TEAD3: variants seen among roughly 807,000 people sequenced by gnomAD.
The protein encoded by TEAD3 is transcriptional enhancer factor TEF-5.
Under a neutral mutation model 55.6 loss-of-function variants are expected in TEAD3, and 15 were observed. That is an observed-to-expected ratio of 0.27 (90% CI 0.18 to 0.42). The LOEUF (loss-of-function observed/expected upper bound fraction) is 0.42. Among genes scored for constraint, TEAD3 ranks in the 10% least tolerant of loss-of-function variants. The pLI is 1.00. For missense variants in TEAD3, 407 were observed against 576.8 expected, an observed-to-expected ratio of 0.71 and a Z score of 3.01; for synonymous variants, 210 against 232.2, an observed-to-expected ratio of 0.90 and a Z score of 0.87.
chr6:35,479,396 C>T, intron 4 of TEAD3, 80 bp from the exon 5 acceptor site: 1 of 1,564,508 alleles, frequency 6.4e-7, no homozygotes, highest in Admixed American at 1.7e-5. Context: ...TTTGCGCCTA[C>T]CTCCACCCAG....
At chr6:35,474,844 TCTC>T (rs375669800), downstream of TEAD3, 55 of 563,764 alleles carry the variant, frequency 9.8e-5, no homozygotes, top group African/African-American at 9.5e-4. Context: ...TGAGCCCTCC[TCTC>T]CTCTCTTCTC....
chr6:35,480,481 G>T (rs1768245649), intron 3 of TEAD3, 107 bp from the exon 4 acceptor site: 4 of 1,152,086 alleles, frequency 3.5e-6, no homozygotes, highest in Non-Finnish European at 5.1e-6. Flanking sequence ...CATCTCTAGG[G>T]AACTACATGT....
chr6:35,474,018 G>A (rs149190575), downstream of TEAD3: 291 of 152,118 alleles, frequency 1.9e-3, 4 homozygotes, highest in East Asian at 1.6e-3. Flanking sequence ...CAGGTAGATT[G>A]AGGTGGGGAA....
intron 1 of TEAD3, among the ~76,000 whole-genome samples, chr6:35,493,050 T>C (rs1458195951): frequency 2.0e-5 from 3 of 152,152 alleles, no homozygotes; most frequent in African/African-American, 7.2e-5. Flanking sequence ...AGTGCCCTCA[T>C]GAGAGTCACG....
rs761527781 is a variant in TEAD3 at position 35,486,457 on chromosome 6, G to T, written c.202+4C>A. The T allele has an allele frequency of 6.2e-7, 1 of 1,611,056 alleles. No homozygotes were observed. The highest frequency in any genetic ancestry group is 1.1e-5 in the South Asian group (1 of 90,928). Reference sequence around the variant, plus strand: ...CAGTCCCGCCCGCGCCCCCCGGCACGCACCGTACATCTTGCCCTCGTCTGA... The same window carrying T: ...CAGTCCCGCCCGCGCCCCCCGGCACTCACCGTACATCTTGCCCTCGTCTGA... On this transcript the variant is annotated splice_donor_region_variant and intron_variant, in intron 2 of 12. Coordinates refer to ENST00000639578, the Ensembl canonical transcript of TEAD3. This position sits in a 1 kb window ranked among gnomAD's most constrained non-coding sequence, Gnocchi z 7.3.
chr6:35,481,166 T>C (rs753027558), intron 3 of TEAD3, among the ~76,000 whole-genome samples: 8 of 151,922 alleles, frequency 5.3e-5, no homozygotes, highest in Non-Finnish European at 8.8e-5. Context: ...TCTCTAGCCA[T>C]CTCCTCCTCG....
At position 35,496,806 on chromosome 6, in the gene TEAD3, C is replaced by T. The variant is rs1168429127; in HGVS notation, c.-50+92G>A. ...CTGGACAATAGCTCGGGGACCCAGT[C>T]CCCCTCGAGTGTCGCCCCCCCAGCC... On this transcript the variant is annotated intron_variant, in intron 1 of 12. Coordinates refer to ENST00000639578, the Ensembl canonical transcript of TEAD3. This position sits in a 1 kb window ranked among gnomAD's most constrained non-coding sequence, Gnocchi z 4.8. 7.0e-6 allele frequency: 1 copy of T among 142,532 alleles called. No individual in the cohort carries two copies. The highest frequency in any genetic ancestry group is 2.4e-5 in the African/African-American group (1 of 41,012). The allele number at this position is 142,532 out of a possible 1,614,324, so 8.8% of individuals were successfully genotyped here. A position where few individuals can be genotyped will look rare whatever the true frequency, so the allele number is the denominator to read the frequency against.
intron 9 of TEAD3, 63 bp from the exon 10 acceptor site, chr6:35,476,155 A>G: frequency 6.5e-7 from 1 of 1,529,330 alleles, no homozygotes; most frequent in Non-Finnish European, 8.8e-7. Flanking sequence ...GGGGCGGGGA[A>G]GGGAGCACTG....
At position 35,488,924 on chromosome 6, in the gene TEAD3, A is replaced by AT. The variant is rs1309640122; in HGVS notation, c.-49-2214dup. 2.6e-5 allele frequency among the ~76,000 whole-genome samples: 4 copies of AT among 151,742 alleles called. No individual in the cohort carries two copies. The highest frequency in any genetic ancestry group is 5.9e-5 in the Non-Finnish European group (4 of 67,960). On this transcript the variant is annotated intron_variant, in intron 1 of 12. Transcript: ENST00000639578. The surrounding 1 kb of genome is among the most constrained non-coding windows in gnomAD (Gnocchi z 4.2). Reference sequence around the variant, plus strand: ...AGGCGCATGCCACCATGCCCAGATAATTTTTTGTATTTTTAGTAAAGACGG... The same window carrying AT: ...AGGCGCATGCCACCATGCCCAGATAATTTTTTTGTATTTTTAGTAAAGACGG...
In TEAD3 at chr6:35,480,223, G is replaced by C. The variant is rs74505043; in HGVS notation, c.268-101C>G. ...AGAGGCACAGTGGGGCTGGAGAGCT[G>C]GCCAAGGAAAGGCCTGAGCTATGCA... is the stretch of plus-strand genomic sequence containing the variant. On this transcript the variant is annotated intron_variant, in intron 3 of 12. Coordinates refer to ENST00000639578, the Ensembl canonical transcript of TEAD3. 5,293 of 1,563,028 alleles carry C rather than the reference G, an allele frequency of 3.4e-3. 106 individuals are homozygous for C. In the African/African-American group the frequency reaches 0.046, roughly 14 times the overall value.
In TEAD3 at chr6:35,485,649, G is replaced by A. The variant is rs1346047030; in HGVS notation, c.202+812C>T. ...TCCCCAGCCTGGGAGGCAGCAGTGG[G>A]GGCAGACAGCACCCACCCTGTGGAA... On this transcript the variant is annotated intron_variant, in intron 2 of 12. Coordinates refer to ENST00000639578, the Ensembl canonical transcript of TEAD3. This position sits in a 1 kb window ranked among gnomAD's most constrained non-coding sequence, Gnocchi z 4.3. 6.6e-6 allele frequency among the ~76,000 whole-genome samples: 1 copy of A among 152,210 alleles called. No individual in the cohort carries two copies. The highest frequency in any genetic ancestry group is 1.5e-5 in the Non-Finnish European group (1 of 68,038).
exon 5 of TEAD3, chr6:35,479,314 G>A: frequency 1.9e-6 from 3 of 1,614,016 alleles, no homozygotes; most frequent in Non-Finnish European, 1.7e-6. Flanking sequence ...CCAGGTTCAT[G>A]GCCTGTGAGG....
At chr6:35,492,081 G>A (rs940671529) in intron 1 of TEAD3, among the ~76,000 whole-genome samples, 1 of 152,196 alleles carries the variant, frequency 6.6e-6, no homozygotes, top group Non-Finnish European at 1.5e-5. Context: ...CTGGGAGGAC[G>A]AGCTGAGCTG....
chr6:35,492,256 C>CG (rs903934932), intron 1 of TEAD3, among the ~76,000 whole-genome samples: 10 of 152,246 alleles, frequency 6.6e-5, no homozygotes, highest in South Asian at 4.2e-4. Context: ...GCTGACCAGC[C>CG]GGGGGGGTCG....
At chr6:35,477,933 G>C (rs1238847078) in intron 7 of TEAD3, among the ~76,000 whole-genome samples, 2 of 151,536 alleles carry the variant, frequency 1.3e-5, no homozygotes, top group African/African-American at 2.4e-5. Flanking sequence ...CTGGAACTCT[G>C]GAACTCCTGA....
chr6:35,492,381 C>A (rs1465686550), intron 1 of TEAD3, among the ~76,000 whole-genome samples: 4 of 152,064 alleles, frequency 2.6e-5, no homozygotes, highest in Non-Finnish European at 5.9e-5. Context: ...CTGCCAGAAG[C>A]TCCCACCCTA....
In TEAD3 at chr6:35,485,869, C is replaced by T. The variant is rs973513222; in HGVS notation, c.202+592G>A. On this transcript the variant is annotated intron_variant, in intron 2 of 12. Transcript: ENST00000639578. This position sits in a 1 kb window ranked among gnomAD's most constrained non-coding sequence, Gnocchi z 4.3. The stretch of plus-strand genomic sequence containing the variant: ...ACCAGGCCCAGAAGGGTCGAGTTAT[C>T]CCAAAAATGCAGCTCTGGGAGAGCC... Among the ~76,000 whole-genome samples the T allele has an allele frequency of 1.3e-4, 20 of 152,262 alleles. No individual in the cohort carries two copies. The highest frequency in any genetic ancestry group is 4.6e-4 in the African/African-American group (19 of 41,570).
chr6:35,490,099 A>G (rs997448832), intron 1 of TEAD3, among the ~76,000 whole-genome samples: 1 of 152,066 alleles, frequency 6.6e-6, no homozygotes, highest in Non-Finnish European at 1.5e-5. Context: ...GCCTCCCTCG[A>G]GCAGCAGCGG....
Position 35,475,557 on chromosome 6 carries a change from C to T in TEAD3, c.1041+9G>A. 1 of 1,607,624 alleles carries T rather than the reference C, an allele frequency of 6.2e-7. No individual in the cohort carries two copies. Among genetic ancestry groups the T allele is most frequent in the Non-Finnish European group, 8.5e-7 (1 of 1,175,810 alleles). ...CAGCCCCACCAAGCCACCCAGAGCC[C>T]CCACTCACCTCCACCTTCTCTACCA... On this transcript the variant is annotated intron_variant, in intron 11 of 12. Transcript: ENST00000639578. The surrounding 1 kb of genome is among the most constrained non-coding windows in gnomAD (Gnocchi z 5.4).
Sources: gnomAD v4.1 joint callset for allele counts (sites outside exome capture counted in the v4.1 genomes callset) on GRCh38, gnomAD v4.1.1 for gene constraint, Gnocchi (gnomAD v3.1) non-coding constraint, MANE v1.5 for transcripts, NCBI Gene and HGNC (gene_info 2026-07-23, HGNC 2026-07-21) for gene names.